Variants in ZNF609 observed in about 807,000 individuals in gnomAD.
ZNF609 encodes the protein zinc finger protein 609.
ZNF609 carries 11 observed loss-of-function variants against 109.5 expected under a neutral mutation model. The ratio of observed to expected loss-of-function variants is 0.10; its 90% CI spans 0.06 to 0.17. The LOEUF (loss-of-function observed/expected upper bound fraction) is 0.17. Among genes scored for constraint, ZNF609 ranks in the 10% least tolerant of loss-of-function variants. The pLI is 1.00. For missense variants in ZNF609, 1,559 were observed against 1,772.4 expected, an observed-to-expected ratio of 0.88 and a Z score of 2.16; for synonymous variants, 646 against 662.0, an observed-to-expected ratio of 0.98 and a Z score of 0.37.
At chr15:64,653,333 C>T (rs1234262407) in intron 3 of ZNF609, among the ~76,000 whole-genome samples, 1 of 151,996 alleles carries the variant, frequency 6.6e-6, no homozygotes, top group African/African-American at 2.4e-5. Flanking sequence ...GTTTTGTCCC[C>T]CTCATTCTAG....
chr15:64,638,594 G>A (rs898811070), intron 3 of ZNF609, among the ~76,000 whole-genome samples: 5 of 152,014 alleles, frequency 3.3e-5, no homozygotes, highest in African/African-American at 1.2e-4. Flanking sequence ...TAGGGATCTT[G>A]TTTAAAATAT....
intron 2 of ZNF609, among the ~76,000 whole-genome samples, chr15:64,543,208 G>A (rs1894297243): frequency 6.7e-6 from 1 of 149,200 alleles, no homozygotes; most frequent in Non-Finnish European, 1.5e-5. Context: ...TTAATTTTAA[G>A]ACACACAGCT....
At chr15:64,471,969 G>T (rs922107409) in intron 1 of ZNF609, among the ~76,000 whole-genome samples, 2 of 151,880 alleles carry the variant, frequency 1.3e-5, no homozygotes, top group African/African-American at 2.4e-5. Context: ...GGAGTGCAAT[G>T]GCACAATCTC....
At chr15:64,659,603 T>G (rs1896544623) in intron 3 of ZNF609, among the ~76,000 whole-genome samples, 1 of 151,302 alleles carries the variant, frequency 6.6e-6, no homozygotes. Flanking sequence ...CTCAGCAGAG[T>G]AGTTTGGTCT....
intron 2 of ZNF609, among the ~76,000 whole-genome samples, chr15:64,504,279 C>T (rs1028678213): frequency 6.6e-6 from 1 of 152,224 alleles, no homozygotes; most frequent in African/African-American, 2.4e-5. Flanking sequence ...ATTATCTTGT[C>T]CAATTTCCTC....
chr15:64,464,155 G>C (rs1892979597), intron 1 of ZNF609, among the ~76,000 whole-genome samples: 1 of 152,168 alleles, frequency 6.6e-6, no homozygotes, highest in South Asian at 2.1e-4. Context: ...GCTCCTGGTA[G>C]CAATTATGTT....
intron 2 of ZNF609, among the ~76,000 whole-genome samples, chr15:64,617,200 T>C (rs1895813941): frequency 6.6e-6 from 1 of 151,982 alleles, no homozygotes; most frequent in Admixed American, 6.6e-5. Flanking sequence ...GTTTTTGTTT[T>C]TTTTGGAGAC....
At chr15:64,546,222 G>A (rs1322931965) in intron 2 of ZNF609, among the ~76,000 whole-genome samples, 1 of 152,116 alleles carries the variant, frequency 6.6e-6, no homozygotes, top group Non-Finnish European at 1.5e-5. Flanking sequence ...CTGTGAAGGA[G>A]TACATCTCTC....
chr15:64,622,131 T>C (rs772860145), intron 2 of ZNF609, among the ~76,000 whole-genome samples: 1 of 152,180 alleles, frequency 6.6e-6, no homozygotes, highest in Non-Finnish European at 1.5e-5. Context: ...ATAGATAAAT[T>C]TGATGTTAGA....
At chr15:64,644,968 C>CTTCT (rs1189583672) in intron 3 of ZNF609, among the ~76,000 whole-genome samples, 1 of 139,612 alleles carries the variant, frequency 7.2e-6, no homozygotes, top group Admixed American at 6.8e-5. Flanking sequence ...CTTTTCTTTT[C>CTTCT]TTCTTTCTTT....
chr15:64,677,494 C>T (rs762560870), intron 5 of ZNF609, among the ~76,000 whole-genome samples: 13 of 152,132 alleles, frequency 8.5e-5, no homozygotes, highest in East Asian at 1.9e-4. Flanking sequence ...ATTCCTTGTC[C>T]GTGTTTCCTC....
chr15:64,681,372 C>A lies in ZNF609; in HGVS notation c.4226C>A (p.Pro1409His), dbSNP rs1403528947. The change falls in exon 9 of 10, where the codon CCC (proline) becomes CAC (histidine). Residue 1409 changes from proline to histidine, a missense_variant. By Grantham distance (77) the Pro-to-His change is moderately conservative (BLOSUM62 -2). This residue lies in a region of ZNF609 where 1,204 missense variants were observed against 1,314.1 expected (regional missense o/e 0.92). Transcript: ENST00000326648. The stretch of plus-strand genomic sequence containing the variant: ...TCAACTCCCTCACTCTACCCACCCC[C>A]CAGGAGGTGAGAATGGTAAGTCACT... ...QGSTPSLYPP[P>H]RR 5 of 1,614,010 alleles carry A rather than the reference C, an allele frequency of 3.1e-6. No homozygotes were observed. The Admixed American group carries it at 5.0e-5, about 16-fold the overall frequency.
intron 5 of ZNF609, among the ~76,000 whole-genome samples, chr15:64,677,684 T>C (rs1167734177): frequency 6.6e-6 from 1 of 152,212 alleles, no homozygotes; most frequent in African/African-American, 2.4e-5. Context: ...CCCTTCCCTC[T>C]TGGTATAATA....
At chr15:64,563,431 GT>G (rs1247511073) in intron 2 of ZNF609, among the ~76,000 whole-genome samples, 9 of 151,126 alleles carry the variant, frequency 6.0e-5, no homozygotes, top group Non-Finnish European at 1.2e-4. Context: ...AGCCTGGGTG[GT>G]GGAACAAAAC....
At chr15:64,608,525 C>A (rs992466744) in intron 2 of ZNF609, among the ~76,000 whole-genome samples, 9 of 152,048 alleles carry the variant, frequency 5.9e-5, no homozygotes, top group Admixed American at 3.9e-4. Flanking sequence ...TGTATAAGTT[C>A]ATGTATCCAC....
intron 2 of ZNF609, among the ~76,000 whole-genome samples, chr15:64,525,471 A>T (rs953788236): frequency 5.9e-5 from 9 of 152,168 alleles, no homozygotes; most frequent in Admixed American, 4.6e-4. Flanking sequence ...TACAATCTTG[A>T]TTACTCATCT....
At chr15:64,603,477 C>T (rs1238544876) in intron 2 of ZNF609, among the ~76,000 whole-genome samples, 1 of 151,532 alleles carries the variant, frequency 6.6e-6, no homozygotes, top group Non-Finnish European at 1.5e-5. Flanking sequence ...CCATGTCGCC[C>T]AGGCTAGTCT....
At chr15:64,641,248 G>A (rs1246104243) in intron 3 of ZNF609, among the ~76,000 whole-genome samples, 2 of 113,190 alleles carry the variant, frequency 1.8e-5, no homozygotes, top group East Asian at 2.3e-4. Flanking sequence ...ATGGAGTTTC[G>A]CTCTTGCTGC....
intron 1 of ZNF609, among the ~76,000 whole-genome samples, chr15:64,488,340 AACAGTGTTCATTC>A (rs1893360415): frequency 6.6e-6 from 1 of 152,178 alleles, no homozygotes; most frequent in Non-Finnish European, 1.5e-5. Context: ...CATTGAGGAG[AACAGTGTTCATTC>A]ACTCATTTGT....
Sources: gnomAD v4.1 joint callset for allele counts (sites outside exome capture counted in the v4.1 genomes callset) on GRCh38, gnomAD v4.1.1 for gene constraint, gnomAD v4.1.1 regional missense constraint, MANE v1.5 for transcripts, NCBI Gene and HGNC (gene_info 2026-07-23, HGNC 2026-07-21) for gene names.